The following VPS13C variants were observed in gnomAD, a reference collection of about 807,000 sequenced individuals.
VPS13C encodes intermembrane lipid transfer protein VPS13C.
Under a neutral mutation model 456.8 loss-of-function variants are expected in VPS13C, and 358 were observed. The ratio of observed to expected loss-of-function variants is 0.78; its 90% CI spans 0.72 to 0.86. VPS13C has a LOEUF of 0.86. Ranked by LOEUF, VPS13C falls within the 40% of genes least tolerant of loss-of-function variation. VPS13C has a pLI of 0.00. For missense variants in VPS13C, 4,818 were observed against 4,385.4 expected, an observed-to-expected ratio of 1.10 and a Z score of -2.79; for synonymous variants, 1,578 against 1,486.7, an observed-to-expected ratio of 1.06 and a Z score of -1.41.
chr15:61,902,698 A>C (rs1014063234), intron 66 of VPS13C, among the ~76,000 whole-genome samples: 2 of 152,210 alleles, frequency 1.3e-5, no homozygotes, highest in Admixed American at 1.3e-4. Context: ...AACGTATCTC[A>C]AAATGATAAA....
chr15:61,879,567 T>C (rs577958864), intron 73 of VPS13C: 132 of 152,170 alleles, frequency 8.7e-4, no homozygotes, highest in African/African-American at 2.9e-3. Context: ...TTCATAATCT[T>C]TGCCATTAGA....
At chr15:61,952,856 G>C (rs1425442405) in intron 38 of VPS13C, among the ~76,000 whole-genome samples, 2 of 151,514 alleles carry the variant, frequency 1.3e-5, no homozygotes, top group African/African-American at 4.9e-5. Context: ...AGGACTAAAG[G>C]CACATGCCAC....
At chr15:61,873,937 T>A (rs923049703) in intron 77 of VPS13C, among the ~76,000 whole-genome samples, 1 of 147,952 alleles carries the variant, frequency 6.8e-6, no homozygotes, top group Admixed American at 6.9e-5. Context: ...TATCAACGGA[T>A]GAATGGATAA....
rs750355442 is a variant in VPS13C at position 61,916,021 on chromosome 15, C to T, written c.8057G>A (p.Gly2686Glu). 3.9e-6 allele frequency: 6 copies of T among 1,542,328 alleles called. No individual in the cohort carries two copies. The Admixed American group carries it at 1.3e-4, about 33-fold the overall frequency. Residue 2686 changes from glycine to glutamate, a missense_variant and splice_region_variant, in exon 61 of 85, where the codon GGA becomes GAA. By Grantham distance (98) the Gly-to-Glu change is moderately conservative (BLOSUM62 -2). Around this residue, in one of 3 missense-constraint regions of VPS13C, gnomAD observed 4,552 missense variants for 4,130.6 expected, o/e 1.10. Transcript: ENST00000644861. ...TGCCAGCTCATGAGTTTCTGCTGTT[C>T]CCTAAAAACAAACAAAAATTCGCTG... ...LPYSLRYLLE[G>E]TAETHELAEG... is the part of the protein sequence containing the mutation.
rs529781133 is a variant in VPS13C, at chr15:62,056,898, G to A, written c.100+3377C>T. Among the ~76,000 whole-genome samples, 6 of 152,270 alleles carry A rather than the reference G, an allele frequency of 3.9e-5. No individual in the cohort carries two copies. The East Asian group carries it at 7.7e-4, about 20-fold the overall frequency. On this transcript the variant is annotated intron_variant, in intron 1 of 84. Transcript: ENST00000644861. ...GAAGGGCCCCCTGTCCTGTGGACAC[G>A]TGACCCACGTGACCTTACCTATCAT...
intron 66 of VPS13C, among the ~76,000 whole-genome samples, chr15:61,895,675 C>T (rs1010443540): frequency 8.5e-5 from 13 of 152,104 alleles, no homozygotes; most frequent in African/African-American, 3.1e-4. Context: ...AATTGGAAGA[C>T]ATCATGTTAA....
At chr15:61,956,587 A>C (rs192515571) in intron 37 of VPS13C, among the ~76,000 whole-genome samples, 12 of 152,290 alleles carry the variant, frequency 7.9e-5, no homozygotes, top group Non-Finnish European at 7.4e-5. Flanking sequence ...TCATATTCAG[A>C]ATTTTAAAAC....
intron 4 of VPS13C, among the ~76,000 whole-genome samples, chr15:62,034,446 G>T (rs558964935): frequency 6.6e-6 from 1 of 151,060 alleles, no homozygotes. Flanking sequence ...TAATAATAAA[G>T]ATATTACTTA....
In VPS13C at chr15:62,023,504, G is replaced by C. The variant is rs1301665459; in HGVS notation, c.531C>G (p.Ala177=). 3.8e-6 allele frequency: 6 copies of C among 1,566,654 alleles called. No homozygotes were observed. The highest frequency in any genetic ancestry group is 5.2e-6 in the Non-Finnish European group (6 of 1,162,484). The change falls in exon 8 of 85, where the codon GCC becomes GCG. Residue 177 remains alanine, a synonymous_variant. Transcript: ENST00000644861. ...ATTTTTCCACAAATGTATCCTTTTT[G>C]GCTTCTTTTGGCTTATCTATTAAAA... is the stretch of plus-strand genomic sequence containing the variant. ...LDRSKDKPKE[A]KKDTFVEKLA...
chr15:61,931,108 A>G lies in VPS13C; in HGVS notation c.6020T>C (p.Ile2007Thr), dbSNP rs368291106. Reference sequence around the variant, plus strand: ...GACAAACCTCGATGTTGCTCTCTCAATTCCTTCTCTGAGATCATCAAGGGT... The same window carrying G: ...GACAAACCTCGATGTTGCTCTCTCAGTTCCTTCTCTGAGATCATCAAGGGT... ...TCTLDDLREG[I>T]ERATSRMIDR... The change falls in exon 50 of 85, where the codon ATT becomes ACT. Residue 2007 changes from isoleucine (I) to threonine (T), a missense_variant. Ile to Thr is a moderately conservative substitution (Grantham distance 89). Around this residue, in one of 3 missense-constraint regions of VPS13C, gnomAD observed 4,552 missense variants for 4,130.6 expected, o/e 1.10. Coordinates refer to ENST00000644861, the MANE Select transcript of VPS13C (RefSeq NM_020821.3). 52 of 1,613,960 alleles carry G rather than the reference A, an allele frequency of 3.2e-5. No homozygotes were observed. The highest frequency in any genetic ancestry group is 4.2e-5 in the Non-Finnish European group (49 of 1,180,028).
At chr15:61,942,126 T>C (rs1279685165) in intron 45 of VPS13C, 59 bp from the exon 46 acceptor site, 2 of 1,436,606 alleles carry the variant, frequency 1.4e-6, no homozygotes, top group Non-Finnish European at 1.9e-6. Context: ...AAGAAAAAAC[T>C]TTAAAAAGCA....
At chr15:62,037,094 C>G (rs186839960) in intron 3 of VPS13C, among the ~76,000 whole-genome samples, 105 of 144,906 alleles carry the variant, frequency 7.2e-4, no homozygotes, top group African/African-American at 2.5e-3. Context: ...GCCATTAAAT[C>G]TTTGTGTACT....
At chr15:61,954,718 T>A (rs757565392) in intron 37 of VPS13C, among the ~76,000 whole-genome samples, 164 bp from the exon 38 acceptor site, 1 of 152,114 alleles carries the variant, frequency 6.6e-6, no homozygotes, top group Non-Finnish European at 1.5e-5. Context: ...GGAAGAGACA[T>A]ATACATTTAA....
intron 51 of VPS13C, among the ~76,000 whole-genome samples, chr15:61,928,911 AAGAGG>A (rs561594541): frequency 3.8e-4 from 58 of 152,138 alleles, no homozygotes; most frequent in Non-Finnish European, 7.4e-4. Flanking sequence ...AAAAGGAGAG[AAGAGG>A]AGAGGAGAGA....
At chr15:61,994,776 G>C (rs576538275) in intron 16 of VPS13C, among the ~76,000 whole-genome samples, 11 of 152,148 alleles carry the variant, frequency 7.2e-5, no homozygotes, top group African/African-American at 2.4e-4. Flanking sequence ...TTTTAGTAGA[G>C]ACAGGGTTTC....
At chr15:61,937,933 G>T (rs1465947781) in intron 47 of VPS13C, among the ~76,000 whole-genome samples, 3 of 152,140 alleles carry the variant, frequency 2.0e-5, no homozygotes, top group Non-Finnish European at 4.4e-5. Flanking sequence ...CCAAAGGCCT[G>T]TTTCAAGTAC....
At chr15:62,015,751 G>A (rs1457366569) in intron 9 of VPS13C, among the ~76,000 whole-genome samples, 1 of 113,116 alleles carries the variant, frequency 8.8e-6, no homozygotes, top group Admixed American at 1.1e-4. Context: ...ACAGGAAGGG[G>A]AATATCACAC....
intron 42 of VPS13C, among the ~76,000 whole-genome samples, chr15:61,948,090 GTTT>G (rs1481516956): frequency 6.6e-6 from 1 of 152,108 alleles, no homozygotes; most frequent in South Asian, 2.1e-4. Flanking sequence ...ACGACAGGTT[GTTT>G]TTTTCTTTAA....
At chr15:61,996,665 TA>T (rs71431420) in intron 16 of VPS13C, among the ~76,000 whole-genome samples, 6 of 150,286 alleles carry the variant, frequency 4.0e-5, no homozygotes, top group African/African-American at 1.2e-4. Flanking sequence ...ATGCAAACTA[TA>T]AAAAAAAACT....
Sources: allele counts gnomAD v4.1 joint callset (sites outside exome capture counted in the v4.1 genomes callset), GRCh38; gene constraint gnomAD v4.1.1; regional missense constraint gnomAD v4.1.1; transcripts MANE v1.5; gene names NCBI Gene and HGNC (gene_info 2026-07-23, HGNC 2026-07-21).